AGMO: variants seen among roughly 807,000 people sequenced by gnomAD.
The protein encoded by AGMO is glyceryl-ether monooxygenase.
Under a neutral mutation model 60.2 loss-of-function variants are expected in AGMO, and 75 were observed. The ratio of observed to expected loss-of-function variants is 1.25; its 90% CI spans 1.03 to 1.51. AGMO has a LOEUF of 1.51. AGMO is among the 40% of genes most tolerant of loss of function. The pLI is 0.00. For synonymous variants in AGMO, 261 were observed against 177.1 expected, an observed-to-expected ratio of 1.47 and a Z score of -3.76; for missense variants, 763 against 525.5, an observed-to-expected ratio of 1.45 and a Z score of -4.42.
At chr7:15,421,292 T>C (rs1780915351) in intron 4 of AGMO, among the ~76,000 whole-genome samples, 3 of 152,014 alleles carry the variant, frequency 2.0e-5, no homozygotes, top group Admixed American at 2.0e-4. Flanking sequence ...ATTGATAGCC[T>C]TCATCAGCGA....
the AGMO span, among the ~76,000 whole-genome samples, chr7:15,149,398 C>T: frequency 3.9e-5 from 6 of 152,072 alleles, no homozygotes; most frequent in Admixed American, 3.9e-4. Context: ...CCAAGGCCTA[C>T]ATCCACAAAA....
intron 12 of AGMO, among the ~76,000 whole-genome samples, chr7:15,314,705 C>T (rs1438026557): frequency 6.6e-6 from 1 of 152,056 alleles, no homozygotes; most frequent in Non-Finnish European, 1.5e-5. Flanking sequence ...GCCCTAATCC[C>T]TGGAACCTGT....
chr7:15,365,306 AC>A, intron 12 of AGMO, among the ~76,000 whole-genome samples: 1 of 150,478 alleles, frequency 6.6e-6, no homozygotes, highest in African/African-American at 2.5e-5. Flanking sequence ...TATCAATCCA[AC>A]TTTACGGGCC....
At chr7:15,295,675 T>C (rs2128523819) in intron 12 of AGMO, among the ~76,000 whole-genome samples, 1 of 152,260 alleles carries the variant, frequency 6.6e-6, no homozygotes, top group African/African-American at 2.4e-5. Context: ...TGAAAATGTA[T>C]AATGCTATAA....
At chr7:15,527,865 A>G (rs2128539180) in intron 3 of AGMO, among the ~76,000 whole-genome samples, 1 of 152,286 alleles carries the variant, frequency 6.6e-6, no homozygotes, top group Non-Finnish European at 1.5e-5. Flanking sequence ...CCTGGATTAC[A>G]GCACATCTGT....
At chr7:15,498,635 T>A (rs1243623820) in intron 3 of AGMO, among the ~76,000 whole-genome samples, 2 of 151,962 alleles carry the variant, frequency 1.3e-5, no homozygotes, top group African/African-American at 4.8e-5. Flanking sequence ...ATGTGCTTTA[T>A]TTTTTTCTCC....
chr7:15,267,501 C>T (rs1277292679), intron 12 of AGMO, among the ~76,000 whole-genome samples: 11 of 151,920 alleles, frequency 7.2e-5, no homozygotes, highest in Non-Finnish European at 1.6e-4. Context: ...CTACATTTCC[C>T]TTCATTCAAT....
intron 3 of AGMO, among the ~76,000 whole-genome samples, chr7:15,489,719 G>A (rs1783020155): frequency 1.3e-5 from 2 of 152,260 alleles, no homozygotes; most frequent in Middle Eastern, 3.4e-3. Flanking sequence ...AATTCTACCA[G>A]GCACAGTAGC....
chr7:15,403,107 A>G (rs908817723), intron 5 of AGMO, among the ~76,000 whole-genome samples: 1 of 151,932 alleles, frequency 6.6e-6, no homozygotes, highest in Non-Finnish European at 1.5e-5. Context: ...TTCTTTTTCA[A>G]TTACTATTTC....
chr7:15,222,589 T>C (rs1781954146), intron 12 of AGMO, among the ~76,000 whole-genome samples: 1 of 152,068 alleles, frequency 6.6e-6, no homozygotes, highest in East Asian at 1.9e-4. Context: ...TAGAAGAAAC[T>C]GTTATGTCTA....
the AGMO span, among the ~76,000 whole-genome samples, chr7:15,152,070 G>A: frequency 2.6e-5 from 4 of 152,154 alleles, no homozygotes; most frequent in African/African-American, 9.6e-5. Flanking sequence ...GGGTGCTCCA[G>A]TGTTGGGTGC....
chr7:15,240,159 C>T (rs1782548881), intron 12 of AGMO, among the ~76,000 whole-genome samples: 1 of 152,088 alleles, frequency 6.6e-6, no homozygotes, highest in African/African-American at 2.4e-5. Context: ...TCAATACATG[C>T]TAACTACCTG....
At chr7:15,315,527 G>A (rs191076962) in intron 12 of AGMO, among the ~76,000 whole-genome samples, 5 of 151,540 alleles carry the variant, frequency 3.3e-5, no homozygotes, top group South Asian at 2.1e-4. Context: ...TAGTAGAGAC[G>A]GGGTTTCACC....
chr7:15,207,571 T>A (rs1252404719), intron 12 of AGMO, among the ~76,000 whole-genome samples: 3 of 152,212 alleles, frequency 2.0e-5, no homozygotes, highest in Non-Finnish European at 4.4e-5. Flanking sequence ...ACTTCTCAAT[T>A]TTTACCAGCT....
rs564562133 is a variant in AGMO at position 15,242,985 on chromosome 7, C to T, written c.1264-41626G>A. 3.9e-5 allele frequency among the ~76,000 whole-genome samples: 6 copies of T among 151,950 alleles called. No individual in the cohort carries two copies. The East Asian group carries it at 9.7e-4, about 24-fold the overall frequency. On this transcript the variant is annotated intron_variant, in intron 12 of 12. Coordinates refer to ENST00000342526, the MANE Select transcript of AGMO (RefSeq NM_001004320.2). The stretch of plus-strand genomic sequence containing the variant: ...AAAAAATAAGCATTATTGGTAAGAA[C>T]TGGGGCAAGATGTCAGTGGGGGGAG...
chr7:15,339,763 G>T (rs890451682), intron 12 of AGMO, among the ~76,000 whole-genome samples: 8 of 152,060 alleles, frequency 5.3e-5, no homozygotes, highest in Non-Finnish European at 8.8e-5. Flanking sequence ...CCCCCCAAAA[G>T]TTCCTGTGTT....
intron 2 of AGMO, among the ~76,000 whole-genome samples, chr7:15,548,002 CTGACCCCTGACACCGGAGCAGCCTA>C (rs766604533): frequency 0.016 from 2,471 of 151,672 alleles, 51 homozygotes; most frequent in Non-Finnish European, 0.026. Flanking sequence ...AAGTGGGTCC[CTGACCCCTGACACCGGAGCAGCCTA>C]ACTAGGAGGC....
At chr7:15,384,629 T>C (rs1231640936) in intron 10 of AGMO, among the ~76,000 whole-genome samples, 1 of 152,124 alleles carries the variant, frequency 6.6e-6, no homozygotes, top group African/African-American at 2.4e-5. Context: ...ACTGAGGTTT[T>C]TCATGGGGTG....
intron 3 of AGMO, among the ~76,000 whole-genome samples, chr7:15,431,867 T>C (rs4637710): frequency 0.52 from 78,136 of 151,468 alleles, 20,280 homozygotes; most frequent in Middle Eastern, 0.64. Context: ...AGAAGTGTGG[T>C]TTTTAAAAAA....
Sources: gnomAD v4.1 joint callset for allele counts (sites outside exome capture counted in the v4.1 genomes callset) on GRCh38, gnomAD v4.1.1 for gene constraint, MANE v1.5 for transcripts, NCBI Gene and HGNC (gene_info 2026-07-23, HGNC 2026-07-21) for gene names.